Variants in ANTXR2 observed in about 807,000 individuals in gnomAD.
ANTXR2 encodes anthrax toxin receptor 2.
In ANTXR2, 44 loss-of-function variants were observed where a neutral mutation model predicts 73.7. The ratio of observed to expected loss-of-function variants is 0.60; its 90% CI spans 0.47 to 0.77. ANTXR2 has a LOEUF of 0.77. ANTXR2 is among the 30% of genes least tolerant of loss of function. ANTXR2 has a pLI of 0.00. For synonymous variants in ANTXR2, 217 were observed against 205.9 expected, an observed-to-expected ratio of 1.05 and a Z score of -0.46; for missense variants, 604 against 592.5, an observed-to-expected ratio of 1.02 and a Z score of -0.20.
At chr4:79,947,742 T>C (rs1357003602) in intron 16 of ANTXR2, among the ~76,000 whole-genome samples, 1 of 152,164 alleles carries the variant, frequency 6.6e-6, no homozygotes, top group Non-Finnish European at 1.5e-5. Flanking sequence ...ATAATTAGTA[T>C]CCACTTTTAA....
At chr4:80,009,707 C>T (rs1178654415) in intron 11 of ANTXR2, among the ~76,000 whole-genome samples, 6 of 151,720 alleles carry the variant, frequency 4.0e-5, no homozygotes, top group Non-Finnish European at 8.8e-5. Flanking sequence ...ATTAGCTGGG[C>T]GTGGTGGCGG....
In ANTXR2 at chr4:79,950,455, T is replaced by G. The variant is rs547134927; in HGVS notation, c.1428+27166A>C. Among the ~76,000 whole-genome samples, 3 of 152,288 alleles carry G rather than the reference T, an allele frequency of 2.0e-5. No homozygotes were observed. In the South Asian group the frequency reaches 6.2e-4, roughly 32 times the overall value. On this transcript the variant is annotated intron_variant, in intron 16 of 16. Coordinates refer to ENST00000403729, the MANE Select transcript of ANTXR2 (RefSeq NM_058172.6). Reference sequence around the variant, plus strand: ...AAGCTATGAAAATAGCTGCTGCAATTTAATAGCTTCAAAACATTTCAAACC... The same window carrying G: ...AAGCTATGAAAATAGCTGCTGCAATGTAATAGCTTCAAAACATTTCAAACC...
At chr4:80,015,087 C>G (rs756965619) in intron 11 of ANTXR2, among the ~76,000 whole-genome samples, 10 of 152,130 alleles carry the variant, frequency 6.6e-5, no homozygotes, top group Admixed American at 1.3e-4. Context: ...ATTTTTCTTC[C>G]CCTTCCTACA....
intron 16 of ANTXR2, among the ~76,000 whole-genome samples, chr4:79,912,884 G>A (rs956461244): frequency 3.3e-5 from 5 of 152,178 alleles, no homozygotes; most frequent in Admixed American, 3.3e-4. Flanking sequence ...CTAAAAATAT[G>A]ATATGATTGT....
chr4:79,956,353 G>T (rs1010440412), intron 16 of ANTXR2, among the ~76,000 whole-genome samples: 1 of 152,064 alleles, frequency 6.6e-6, no homozygotes. Context: ...ATGTATAATT[G>T]CCCTAAGTCA....
intron 16 of ANTXR2, among the ~76,000 whole-genome samples, chr4:79,927,272 G>C (rs956873308): frequency 2.9e-5 from 4 of 138,412 alleles, no homozygotes; most frequent in African/African-American, 8.5e-5. Flanking sequence ...TTAGCAAAGA[G>C]AGTAGATTTT....
At chr4:80,018,543 G>A (rs1051262958) in intron 11 of ANTXR2, among the ~76,000 whole-genome samples, 3 of 152,100 alleles carry the variant, frequency 2.0e-5, no homozygotes, top group African/African-American at 7.2e-5. Context: ...TTTAGATACT[G>A]TAATCTAACC....
chr4:80,005,703 T>C (rs1731270992), intron 12 of ANTXR2, among the ~76,000 whole-genome samples: 1 of 152,132 alleles, frequency 6.6e-6, no homozygotes, highest in Admixed American at 6.6e-5. Flanking sequence ...TCTGGCTATA[T>C]TTAAGGTGCA....
intron 3 of ANTXR2, among the ~76,000 whole-genome samples, chr4:80,067,607 A>C (rs1734566046): frequency 1.3e-5 from 2 of 152,244 alleles, no homozygotes; most frequent in South Asian, 4.1e-4. Context: ...TATTTTCATA[A>C]AGGCGAGAAC....
rs1362582719 is a variant in ANTXR2, at chr4:80,002,604, AC to A, written c.1041+5916del. On this transcript the variant is annotated intron_variant, in intron 12 of 16. Coordinates refer to ENST00000403729, the MANE Select transcript of ANTXR2 (RefSeq NM_058172.6). ...GAGCTTCTGCACAGCAAAAGAAACT[AC>A]CATCAGAGTCAACAGGCAACCTACA... is the stretch of plus-strand genomic sequence containing the variant. 1.8e-4 allele frequency among the ~76,000 whole-genome samples: 28 copies of A among 152,146 alleles called. 1 individual carries two copies. Among genetic ancestry groups the A allele is most frequent in the African/African-American group, 6.3e-4 (26 of 41,544 alleles).
At chr4:80,011,722 A>C (rs147576455) in intron 11 of ANTXR2, among the ~76,000 whole-genome samples, 5 of 152,300 alleles carry the variant, frequency 3.3e-5, no homozygotes, top group Non-Finnish European at 5.9e-5. Flanking sequence ...ACATTTCCCC[A>C]ATATGTTTAT....
intron 16 of ANTXR2, among the ~76,000 whole-genome samples, chr4:79,919,401 G>A (rs1727476585): frequency 6.6e-6 from 1 of 152,098 alleles, no homozygotes; most frequent in East Asian, 1.9e-4. Context: ...ATTGAAGGAT[G>A]CAAAGTATTG....
chr4:80,029,168 T>A (rs1354028898), intron 10 of ANTXR2, among the ~76,000 whole-genome samples: 1 of 152,130 alleles, frequency 6.6e-6, no homozygotes, highest in Non-Finnish European at 1.5e-5. Context: ...TTAAAGTGTA[T>A]CACTAGCCCC....
chr4:79,963,877 C>T (rs1639148952), intron 16 of ANTXR2, among the ~76,000 whole-genome samples: 2 of 151,968 alleles, frequency 1.3e-5, no homozygotes, highest in Non-Finnish European at 2.9e-5. Flanking sequence ...AGGAGGAGAA[C>T]CGCCCAAAAA....
chr4:79,937,866 TGC>T (rs1728339545), intron 16 of ANTXR2, among the ~76,000 whole-genome samples: 1 of 143,050 alleles, frequency 7.0e-6, no homozygotes, highest in African/African-American at 2.6e-5. Flanking sequence ...CCAGTGTGTG[TGC>T]GCACCGTGCA....
chr4:80,011,565 C>T (rs925891325), intron 11 of ANTXR2, among the ~76,000 whole-genome samples: 1 of 151,964 alleles, frequency 6.6e-6, no homozygotes, highest in African/African-American at 2.4e-5. Context: ...AGAGGCATGC[C>T]TATGTAAAAC....
intron 16 of ANTXR2, among the ~76,000 whole-genome samples, chr4:79,909,887 T>C (rs546560060): frequency 6.6e-6 from 1 of 152,278 alleles, no homozygotes; most frequent in East Asian, 1.9e-4. Context: ...GTTTTCCCAG[T>C]TGTGGGGCTC....
At position 79,933,558 on chromosome 4, in the gene ANTXR2, T is replaced by C. The variant is rs1414327983; in HGVS notation, c.1429-26091A>G. Among the ~76,000 whole-genome samples, 33 of 152,070 alleles carry C rather than the reference T, an allele frequency of 2.2e-4. 1 individual carries two copies. The highest frequency in any genetic ancestry group is 2.2e-3 in the Admixed American group (33 of 15,252). On this transcript the variant is annotated intron_variant, in intron 16 of 16. Transcript: ENST00000403729. ...TTTTGTTTTGTTTTATTTTATTATT[T>C]TTTAAATTATACTTTAAGTTTCAGG... is the stretch of plus-strand genomic sequence containing the variant.
At chr4:80,035,923 G>A (rs1560415367) in intron 8 of ANTXR2, 49 bp downstream of exon 8, 1 of 1,441,904 alleles carries the variant, frequency 6.9e-7, no homozygotes, top group South Asian at 1.3e-5. Context: ...TTTTAGCTAG[G>A]AAAAAAATAC....
Sources: gnomAD v4.1 joint callset for allele counts (sites outside exome capture counted in the v4.1 genomes callset) on GRCh38, gnomAD v4.1.1 for gene constraint, MANE v1.5 for transcripts, NCBI Gene and HGNC (gene_info 2026-07-23, HGNC 2026-07-21) for gene names.